Variants in DPYD observed in about 807,000 individuals in gnomAD.
DPYD encodes dihydropyrimidine dehydrogenase [NADP(+)].
In DPYD, 109 loss-of-function variants were observed where a neutral mutation model predicts 116.2. The ratio of observed to expected loss-of-function variants is 0.94; its 90% confidence interval spans 0.80 to 1.10. DPYD has a LOEUF of 1.10. Ranked by LOEUF, DPYD falls within the 50% of genes least tolerant of loss-of-function variation. DPYD has a pLI of 0.00. For missense variants in DPYD, 1,302 were observed against 1,254.5 expected (o/e 1.04, Z -0.57); for synonymous variants, 440 against 432.0 (o/e 1.02, Z -0.23).
chr1:97,541,260 T>G (rs1481441097), intron 12 of DPYD, among the ~76,000 whole-genome samples: 1 of 152,216 alleles, frequency 6.6e-6, no homozygotes, highest in East Asian at 1.9e-4. Flanking sequence ...TAAATAAACA[T>G]TAATTAGTTA....
chr1:97,675,746 T>C (rs1421336797), intron 8 of DPYD, among the ~76,000 whole-genome samples: 1 of 151,534 alleles, frequency 6.6e-6, no homozygotes, highest in African/African-American at 2.4e-5. Flanking sequence ...AAAGAGAAAG[T>C]ATCTCTTTTT....
intron 3 of DPYD, among the ~76,000 whole-genome samples, chr1:97,827,533 C>A (rs1669300990): frequency 1.3e-5 from 2 of 151,456 alleles, no homozygotes; most frequent in Admixed American, 1.3e-4. Context: ...AAATTTGGGG[C>A]AATTTCATAT....
At chr1:97,413,741 T>C (rs892600793) in intron 14 of DPYD, among the ~76,000 whole-genome samples, 14 of 152,148 alleles carry the variant, frequency 9.2e-5, no homozygotes, top group Non-Finnish European at 1.5e-4. Flanking sequence ...CCCAAAGTGC[T>C]GGGATTACAA....
At chr1:97,255,714 T>A (rs987433581) in intron 18 of DPYD, among the ~76,000 whole-genome samples, 1 of 151,438 alleles carries the variant, frequency 6.6e-6, no homozygotes, top group Admixed American at 6.6e-5. Context: ...TGCCGTTTTT[T>A]TTTTTCAGAT....
intron 3 of DPYD, among the ~76,000 whole-genome samples, chr1:97,787,779 T>C (rs1038060079): frequency 6.6e-6 from 1 of 152,172 alleles, no homozygotes; most frequent in Non-Finnish European, 1.5e-5. Context: ...GGTGAAGATA[T>C]TTACATGTAA....
At chr1:97,545,597 A>C (rs1650779166) in intron 12 of DPYD, 1 of 510,038 alleles carries the variant, frequency 2.0e-6, no homozygotes, top group African/African-American at 1.9e-5. Flanking sequence ...ACAAGGGAAG[A>C]TATTCAGTGG....
At chr1:97,835,420 T>G (rs78284108) in intron 2 of DPYD, among the ~76,000 whole-genome samples, 5,624 of 152,186 alleles carry the variant, frequency 0.037, 136 homozygotes, top group Non-Finnish European at 0.055. Flanking sequence ...TGAATCTCAT[T>G]TCTGCCTTCA....
rs369009012 is a variant in DPYD at position 97,766,686 on chromosome 1, C to T, written c.234-26207G>A. Among the ~76,000 whole-genome samples the T allele has an allele frequency of 1.3e-4, 20 of 152,212 alleles. No homozygotes were observed. The East Asian group carries it at 3.5e-3, about 26-fold the overall frequency. On this transcript the variant is annotated intron_variant, in intron 3 of 22. Coordinates refer to ENST00000370192, the MANE Select transcript of DPYD (RefSeq NM_000110.4). The stretch of plus-strand genomic sequence containing the variant: ...CCACAAATGTCAAATCCCTAAATAG[C>T]AGTAGTTAAGTGTGTACAAAGAAGC...
At chr1:97,649,793 T>C (rs1658479984) in intron 8 of DPYD, among the ~76,000 whole-genome samples, 1 of 152,066 alleles carries the variant, frequency 6.6e-6, no homozygotes, top group Non-Finnish European at 1.5e-5. Context: ...TTTTAAGCCA[T>C]GACCATTCCT....
At chr1:97,115,629 T>G (rs1430750169) in intron 20 of DPYD, among the ~76,000 whole-genome samples, 1 of 152,178 alleles carries the variant, frequency 6.6e-6, no homozygotes, top group Non-Finnish European at 1.5e-5. Context: ...GAAAATGTTC[T>G]TAAAAGTATT....
At chr1:97,477,424 G>A (rs1351726196) in intron 13 of DPYD, among the ~76,000 whole-genome samples, 2 of 152,088 alleles carry the variant, frequency 1.3e-5, no homozygotes, top group Admixed American at 1.3e-4. Flanking sequence ...CTCCACCAAA[G>A]TTTTGAACTT....
At chr1:97,457,116 A>G (rs1218077140) in intron 13 of DPYD, among the ~76,000 whole-genome samples, 2 of 152,128 alleles carry the variant, frequency 1.3e-5, no homozygotes, top group African/African-American at 4.8e-5. Flanking sequence ...GAAGTAGGTA[A>G]GGAAGAACAA....
At chr1:97,465,850 T>C (rs930672284) in intron 13 of DPYD, among the ~76,000 whole-genome samples, 26 of 152,226 alleles carry the variant, frequency 1.7e-4, no homozygotes, top group Non-Finnish European at 7.3e-5. Context: ...GGCTGTGTCA[T>C]GGGCAGGCTC....
intron 16 of DPYD, among the ~76,000 whole-genome samples, chr1:97,361,736 C>G (rs576697817): frequency 6.6e-6 from 1 of 152,298 alleles, no homozygotes; most frequent in Admixed American, 6.5e-5. Flanking sequence ...CATAAAAGGC[C>G]TTCAATAAAA....
intron 20 of DPYD, among the ~76,000 whole-genome samples, chr1:97,173,470 CATAAT>C (rs1477667254): frequency 2.0e-5 from 3 of 149,170 alleles, no homozygotes; most frequent in African/African-American, 7.4e-5. Context: ...TATATACACA[CATAAT>C]GTGTATATAT....
chr1:97,433,831 A>T (rs1557708813), intron 14 of DPYD, among the ~76,000 whole-genome samples: 1 of 152,178 alleles, frequency 6.6e-6, no homozygotes. Context: ...AGGAATAATT[A>T]TAGTCGAGGT....
At chr1:97,685,202 T>C (rs1054949045) in intron 7 of DPYD, among the ~76,000 whole-genome samples, 1 of 152,180 alleles carries the variant, frequency 6.6e-6, no homozygotes, top group Non-Finnish European at 1.5e-5. Context: ...TGCAAATTAA[T>C]AAATGTAACT....
rs1417228648 is a variant in DPYD, at chr1:97,346,783, G to A, written c.2058+26778C>T. Among the ~76,000 whole-genome samples the A allele has an allele frequency of 2.6e-5, 4 of 151,826 alleles. No individual in the cohort carries two copies. The East Asian group carries it at 7.7e-4, about 29-fold the overall frequency. On this transcript the variant is annotated intron_variant, in intron 16 of 22. Transcript: ENST00000370192. ...GTCTGGGTATCTTTACGAGTTCTGT[G>A]TTCTGCGAGTTTGCTCAATTTATCC... is the stretch of plus-strand genomic sequence containing the variant.
intron 16 of DPYD, among the ~76,000 whole-genome samples, chr1:97,314,753 T>C (rs1667715532): frequency 6.6e-6 from 1 of 151,924 alleles, no homozygotes; most frequent in Non-Finnish European, 1.5e-5. Flanking sequence ...TAGAATTATC[T>C]TGCTTCTGCC....
Sources: allele counts gnomAD v4.1 joint callset (sites outside exome capture counted in the v4.1 genomes callset), GRCh38; gene constraint gnomAD v4.1.1; transcripts MANE v1.5; gene names NCBI Gene and HGNC (gene_info 2026-07-23, HGNC 2026-07-21).